ABHD12B: variants seen among roughly 807,000 people sequenced by gnomAD.
ABHD12B encodes the protein abhydrolase domain containing 12B.
A neutral mutation model predicts 50.4 loss-of-function variants in ABHD12B; 42 were observed. The observed-to-expected ratio is 0.83, with a 90% CI of 0.65 to 1.08. The LOEUF (loss-of-function observed/expected upper bound fraction) is 1.08, where lower values mean the gene tolerates loss of function less well. Among genes scored for constraint, ABHD12B ranks in the 50% least tolerant of loss-of-function variants. The probability of loss-of-function intolerance (pLI) is 0.00; values close to 1 mark genes in which losing one functional copy is unlikely to be tolerated. For missense variants in ABHD12B, 479 were observed against 447.7 expected (o/e 1.07, Z -0.63); for synonymous variants, 167 against 160.3 (o/e 1.04, Z -0.32).
chr14:50,882,670 G>A (rs1193852063), intron 5 of ABHD12B, among the ~76,000 whole-genome samples: 2 of 151,836 alleles, frequency 1.3e-5, no homozygotes, highest in African/African-American at 2.4e-5. Flanking sequence ...ATGAGCCACC[G>A]CGCCCACCCA....
At chr14:50,879,766 C>T (rs2049914351) in intron 3 of ABHD12B, among the ~76,000 whole-genome samples, 2 of 152,240 alleles carry the variant, frequency 1.3e-5, no homozygotes, top group South Asian at 2.1e-4. Flanking sequence ...TCAAGATCAG[C>T]TCATCCAGCA....
chr14:50,897,003 TTTTG>T (rs1410875180), intron 9 of ABHD12B, among the ~76,000 whole-genome samples: 2 of 152,134 alleles, frequency 1.3e-5, no homozygotes, highest in African/African-American at 4.8e-5. Flanking sequence ...TACTGTTAAT[TTTTG>T]TTTTAGTTTT....
Position 50,904,427 on chromosome 14 carries a change from T to C in ABHD12B, c.*61T>C, listed in dbSNP as rs2050305226. On this transcript the variant is annotated 3_prime_UTR_variant, in exon 13 of 13. Transcript: ENST00000337334. ...GCCCAAACACCACCTGTGATGTATA[T>C]TGTTCTAATGTAAAATTGTACTGGG... 6 of 1,605,358 alleles carry C rather than the reference T, an allele frequency of 3.7e-6. No homozygotes were observed. In the Admixed American group the frequency reaches 6.7e-5, roughly 18 times the overall value.
chr14:50,903,469 TA>T lies in ABHD12B; in HGVS notation c.942+5del. The T allele has an allele frequency of 6.2e-7, 1 of 1,610,068 alleles. No homozygotes were observed. Among genetic ancestry groups the T allele is most frequent in the Non-Finnish European group, 8.5e-7 (1 of 1,177,278 alleles). On this transcript the variant is annotated splice_donor_region_variant and intron_variant, in intron 11 of 12. Transcript: ENST00000337334. ...GTGCCTTTGGAGTATGGGAAAAAGG[TA>T]AACTAAGGGCTCAATGCTGACTGAA...
intron 1 of ABHD12B, among the ~76,000 whole-genome samples, 156 bp downstream of exon 1, chr14:50,872,434 C>T (rs1366081960): frequency 6.6e-6 from 1 of 152,238 alleles, no homozygotes; most frequent in Non-Finnish European, 1.5e-5. Flanking sequence ...CGGCGGCCCC[C>T]TGAGAACTCT....
intron 7 of ABHD12B, 29 bp from the exon 8 acceptor site, chr14:50,886,618 C>T: frequency 1.9e-6 from 3 of 1,601,772 alleles, no homozygotes; most frequent in Non-Finnish European, 2.6e-6. Flanking sequence ...TATTGCTTAA[C>T]ACATGTACTA....
chr14:50,903,929 A>T, intron 11 of ABHD12B, 145 bp from the exon 12 acceptor site: 1 of 671,236 alleles, frequency 1.5e-6, no homozygotes, highest in Non-Finnish European at 2.6e-6. Flanking sequence ...GAGACAGGCA[A>T]CTGGGACATG....
chr14:50,890,095 A>C (rs556583102), intron 9 of ABHD12B, among the ~76,000 whole-genome samples: 11 of 152,314 alleles, frequency 7.2e-5, no homozygotes, highest in Admixed American at 3.3e-4. Context: ...AGATATAATA[A>C]ATATTTTCAA....
At chr14:50,895,122 G>T (rs1415663338) in intron 9 of ABHD12B, among the ~76,000 whole-genome samples, 373 of 136,870 alleles carry the variant, frequency 2.7e-3, no homozygotes, top group African/African-American at 0.01. Flanking sequence ...AGTTCATGAC[G>T]TGTTTGGCAG....
chr14:50,885,463 G>C (rs1201210368), intron 5 of ABHD12B, 151 bp from the exon 6 acceptor site: 2 of 767,690 alleles, frequency 2.6e-6, no homozygotes, highest in Non-Finnish European at 4.3e-6. Context: ...TGTTTTTCTA[G>C]GTTCTGCAGT....
At chr14:50,896,178 C>T (rs1211106429) in intron 9 of ABHD12B, among the ~76,000 whole-genome samples, 2 of 152,118 alleles carry the variant, frequency 1.3e-5, no homozygotes, top group African/African-American at 4.8e-5. Context: ...CGTCCTGCAG[C>T]ATGCTTTAAA....
rs190223105 is a variant in ABHD12B, at chr14:50,904,519, C to T, written c.*153C>T. 5.2e-5 allele frequency: 48 copies of T among 917,684 alleles called. No homozygotes were observed. Among genetic ancestry groups the T allele is most frequent in the Middle Eastern group, 2.3e-4 (1 of 4,322 alleles). 56.8% of individuals were successfully genotyped at this position (917,684 alleles called of 1,614,324 possible). On this transcript the variant is annotated 3_prime_UTR_variant, in exon 13 of 13. Transcript: ENST00000337334. ...CTTGCCATTTTAACAACAGAAAGTA[C>T]GAATGTTAGGCAGTATGGAATGTTC...
intron 1 of ABHD12B, among the ~76,000 whole-genome samples, chr14:50,874,901 A>T (rs531794224): frequency 6.6e-6 from 1 of 152,390 alleles, no homozygotes; most frequent in South Asian, 2.1e-4. Flanking sequence ...AAGTAAAAAA[A>T]AGAAAATGAA....
chr14:50,901,609 T>C (rs755518878), intron 9 of ABHD12B, among the ~76,000 whole-genome samples: 29 of 152,262 alleles, frequency 1.9e-4, no homozygotes, highest in Non-Finnish European at 3.5e-4. Flanking sequence ...TGATGGTCTA[T>C]GATGGCAGAA....
chr14:50,873,222 C>CTT (rs369236270), intron 1 of ABHD12B, among the ~76,000 whole-genome samples: 3,444 of 148,604 alleles, frequency 0.023, 90 homozygotes, highest in East Asian at 0.11. Context: ...CTCTCTCTCT[C>CTT]TTTTTTTTTT....
intron 9 of ABHD12B, among the ~76,000 whole-genome samples, chr14:50,901,572 T>C (rs1052041239): frequency 6.6e-6 from 1 of 152,268 alleles, no homozygotes; most frequent in Non-Finnish European, 1.5e-5. Flanking sequence ...GTGCCATTTT[T>C]AGGAAGTGAA....
chr14:50,902,211 G>A (rs917334688), intron 10 of ABHD12B, among the ~76,000 whole-genome samples: 23 of 152,136 alleles, frequency 1.5e-4, no homozygotes, highest in Admixed American at 3.9e-4. Flanking sequence ...GCTTGGTAGT[G>A]TTAGCGTATG....
At chr14:50,878,595 C>G in intron 2 of ABHD12B, 150 bp from the exon 3 acceptor site, 1 of 655,970 alleles carries the variant, frequency 1.5e-6, no homozygotes, top group Middle Eastern at 3.0e-4. Flanking sequence ...CTAGTCCTAG[C>G]TGATAAAATA....
intron 7 of ABHD12B, 99 bp downstream of exon 7, chr14:50,885,994 G>A: frequency 6.6e-7 from 1 of 1,523,390 alleles, no homozygotes; most frequent in Non-Finnish European, 9.0e-7. Context: ...CGAGCCAGAA[G>A]ACAGGGACTC....
Sources: allele counts gnomAD v4.1 joint callset (sites outside exome capture counted in the v4.1 genomes callset), GRCh38; gene constraint gnomAD v4.1.1; transcripts MANE v1.5; gene names NCBI Gene and HGNC (gene_info 2026-07-23, HGNC 2026-07-21).